Variants in PRIMPOL observed in about 807,000 individuals in gnomAD.
The protein encoded by PRIMPOL is DNA-directed primase/polymerase protein.
PRIMPOL carries 54 observed loss-of-function variants against 63.6 expected under a neutral mutation model. That is an observed-to-expected ratio of 0.85 (90% CI 0.68 to 1.07). The LOEUF is 1.07. PRIMPOL is among the 50% of genes least tolerant of loss of function. The pLI is 0.00. For synonymous variants in PRIMPOL, 197 were observed against 220.2 expected (o/e 0.89, Z 0.93); for missense variants, 610 against 648.3 (o/e 0.94, Z 0.64).
chr4:184,668,976 A>G (rs1430259204), intron 6 of PRIMPOL, among the ~76,000 whole-genome samples: 1 of 152,092 alleles, frequency 6.6e-6, no homozygotes, highest in Non-Finnish European at 1.5e-5. Flanking sequence ...CTTTTCATTC[A>G]GCTCCTATCA....
Position 184,694,848 on chromosome 4 carries a change from T to TATCA in PRIMPOL, c.*70_*73dup. 7.5e-7 allele frequency: 1 copy of TATCA among 1,337,694 alleles called. No individual in the cohort carries two copies. Among genetic ancestry groups the TATCA allele is most frequent in the East Asian group, 2.3e-5 (1 of 43,052 alleles). The allele number at this position is 1,337,694 out of a possible 1,614,324, so 82.9% of individuals were successfully genotyped here. A position where few individuals can be genotyped will look rare whatever the true frequency, so the allele number is the denominator to read the frequency against. ...TGATGTCTGTGAGATTTGATAAATA[T>TATCA]ATCATTCAACCTGTTTATATAAACT... On this transcript the variant is annotated 3_prime_UTR_variant, in exon 14 of 14. Coordinates refer to ENST00000314970, the MANE Select transcript of PRIMPOL (RefSeq NM_152683.4).
At chr4:184,686,073 T>A (rs1452732909) in intron 11 of PRIMPOL, among the ~76,000 whole-genome samples, 1 of 152,258 alleles carries the variant, frequency 6.6e-6, no homozygotes, top group African/African-American at 2.4e-5. Flanking sequence ...GTCCTGGGAT[T>A]ACAGGTGTGA....
intron 2 of PRIMPOL, among the ~76,000 whole-genome samples, chr4:184,654,453 G>GTTTTTTTTTGTTGT (rs1745648262): frequency 6.0e-5 from 2 of 33,556 alleles, no homozygotes; most frequent in African/African-American, 1.1e-4. Flanking sequence ...AGTTAAAGCA[G>GTTTTTTTTTGTTGT]TTTTTTTTTT....
chr4:184,662,013 G>A, intron 5 of PRIMPOL, 110 bp downstream of exon 5: 1 of 917,516 alleles, frequency 1.1e-6, no homozygotes, highest in Non-Finnish European at 1.5e-6. Flanking sequence ...TCTTTTTCTT[G>A]CTACTCTTCC....
rs981317986 is a variant in PRIMPOL, at chr4:184,660,773, C to A, written c.279-1001C>A. ...TGTGTATGTGTGTGTTGAGTTCCTC[C>A]ACTACCTGTACCACCTGATGATACA... On this transcript the variant is annotated intron_variant, in intron 4 of 13. Transcript: ENST00000314970. Among the ~76,000 whole-genome samples, 7 of 152,254 alleles carry A rather than the reference C, an allele frequency of 4.6e-5. No individual in the cohort carries two copies. In the South Asian group the frequency reaches 1.5e-3, roughly 32 times the overall value.
chr4:184,682,813 G>A (rs973709401), intron 9 of PRIMPOL, among the ~76,000 whole-genome samples: 1 of 152,058 alleles, frequency 6.6e-6, no homozygotes, highest in African/African-American at 2.4e-5. Context: ...ACTTTGGGAG[G>A]CTGAGGCGGG....
Position 184,655,216 on chromosome 4 carries a change from G to C in PRIMPOL, c.-59-1866G>C, listed in dbSNP as rs571140495. 1.4e-4 allele frequency among the ~76,000 whole-genome samples: 21 copies of C among 151,776 alleles called. No individual in the cohort carries two copies. The South Asian group carries it at 4.0e-3, about 29-fold the overall frequency. On this transcript the variant is annotated intron_variant, in intron 2 of 13. Coordinates refer to ENST00000314970, the MANE Select transcript of PRIMPOL (RefSeq NM_152683.4). ...GTAGAGACGGGGTTTCACCATATTG[G>C]TCAGGCTGGTCTCGAACTCCTGACC...
intron 11 of PRIMPOL, among the ~76,000 whole-genome samples, chr4:184,687,363 A>G (rs931148962): frequency 4.6e-5 from 7 of 151,242 alleles, no homozygotes; most frequent in East Asian, 4.0e-4. Context: ...GAGCCACCGC[A>G]CCCAGCCGAT....
At chr4:184,674,926 A>G (rs1378039221) in intron 7 of PRIMPOL, among the ~76,000 whole-genome samples, 1 of 152,188 alleles carries the variant, frequency 6.6e-6, no homozygotes, top group East Asian at 1.9e-4. Flanking sequence ...TAAGGTCATG[A>G]CATTTCTCTG....
intron 13 of PRIMPOL, among the ~76,000 whole-genome samples, chr4:184,693,170 T>C (rs2150182861): frequency 6.6e-6 from 1 of 152,354 alleles, no homozygotes; most frequent in African/African-American, 2.4e-5. Flanking sequence ...AATTCCATTC[T>C]TGGTCTGCAA....
intron 11 of PRIMPOL, 140 bp downstream of exon 11, chr4:184,685,824 C>T (rs533181822): frequency 1.7e-5 from 8 of 458,936 alleles, no homozygotes; most frequent in Admixed American, 8.4e-5. Context: ...TTTTCCAAGA[C>T]GAAATCTTGC....
At chr4:184,670,916 T>C (rs1370617325) in intron 6 of PRIMPOL, among the ~76,000 whole-genome samples, 4 of 152,186 alleles carry the variant, frequency 2.6e-5, no homozygotes, top group African/African-American at 7.2e-5. Context: ...CATTTGTTAA[T>C]GTAAGGGCCC....
chr4:184,659,567 A>T (rs1056424943), intron 4 of PRIMPOL, 130 bp downstream of exon 4: 5 of 702,040 alleles, frequency 7.1e-6, no homozygotes, highest in Non-Finnish European at 1.0e-5. Context: ...TGCTCTTAGA[A>T]TTGAATTCTG....
chr4:184,672,418 G>T lies in PRIMPOL; in HGVS notation c.802G>T (p.Val268Leu). The change falls in exon 7 of 14, where the codon GTG becomes TTG. Residue 268 changes from valine to leucine, a missense_variant. By Grantham distance (32) the Val-to-Leu change is conservative. This residue lies in a region of PRIMPOL where 444 missense variants were observed against 456.4 expected (regional missense o/e 0.97). Transcript: ENST00000314970. Reference protein sequence around the residue: ...QSSPDLSFLVVKNNMGEKHLF... With the variant: ...QSSPDLSFLVLKNNMGEKHLF... ...CAGTCCTGACCTTTCATTTCTAGTT[G>T]TGAAGAATAACATGGGAGAGAAGCA... The T allele has an allele frequency of 1.9e-6, 3 of 1,612,300 alleles. No individual in the cohort carries two copies. The highest frequency in any genetic ancestry group is 2.5e-6 in the Non-Finnish European group (3 of 1,179,640).
At chr4:184,657,415 A>T in intron 3 of PRIMPOL, 95 bp downstream of exon 3, 1 of 1,052,326 alleles carries the variant, frequency 9.5e-7, no homozygotes, top group Non-Finnish European at 1.3e-6. Flanking sequence ...TAAAAAAAAA[A>T]GTCTATTATT....
intron 13 of PRIMPOL, among the ~76,000 whole-genome samples, chr4:184,693,993 TA>T (rs1470242327): frequency 6.6e-6 from 1 of 152,190 alleles, no homozygotes. Context: ...ATAAATAATG[TA>T]TTGGGCGGAT....
chr4:184,666,575 A>T (rs532009790), intron 6 of PRIMPOL, among the ~76,000 whole-genome samples: 1 of 152,220 alleles, frequency 6.6e-6, no homozygotes, highest in Non-Finnish European at 1.5e-5. Context: ...TGGCATTTGC[A>T]TCTCTAATCC....
intron 4 of PRIMPOL, among the ~76,000 whole-genome samples, chr4:184,661,174 TACAC>T (rs760210710): frequency 6.6e-6 from 1 of 152,178 alleles, no homozygotes; most frequent in Non-Finnish European, 1.5e-5. Context: ...ATAGAGGTAT[TACAC>T]AATATCAAAC....
chr4:184,651,653 A>C (rs1442907984), intron 1 of PRIMPOL, among the ~76,000 whole-genome samples: 1 of 152,100 alleles, frequency 6.6e-6, no homozygotes, highest in Non-Finnish European at 1.5e-5. Context: ...TTAGTCTGTG[A>C]ACTTTTTTTT....
Sources: allele counts gnomAD v4.1 joint callset (sites outside exome capture counted in the v4.1 genomes callset), GRCh38; gene constraint gnomAD v4.1.1; regional missense constraint gnomAD v4.1.1; transcripts MANE v1.5; gene names NCBI Gene and HGNC (gene_info 2026-07-23, HGNC 2026-07-21).